UNC5C: variants seen among roughly 807,000 people sequenced by gnomAD.
The protein encoded by UNC5C is unc-5 netrin receptor C.
Under a neutral mutation model 99.8 loss-of-function variants are expected in UNC5C, and 47 were observed. The observed-to-expected ratio is 0.47, with a 90% CI of 0.37 to 0.60. The LOEUF (loss-of-function observed/expected upper bound fraction) is 0.60, where lower values mean the gene tolerates loss of function less well. Among genes scored for constraint, UNC5C ranks in the 20% least tolerant of loss-of-function variants. The pLI is 0.00. For missense variants in UNC5C, 1,062 were observed against 1,165.9 expected (o/e 0.91, Z 1.30); for synonymous variants, 487 against 452.2 (o/e 1.08, Z -0.98).
At chr4:95,496,741 A>ATAAGTTC (rs1721642153) in intron 1 of UNC5C, among the ~76,000 whole-genome samples, 1 of 151,742 alleles carries the variant, frequency 6.6e-6, no homozygotes. Context: ...GGTTACATGG[A>ATAAGTTC]TAAGTTCTTT....
intron 5 of UNC5C, among the ~76,000 whole-genome samples, chr4:95,250,081 T>C (rs974685142): frequency 6.6e-6 from 1 of 152,140 alleles, no homozygotes; most frequent in African/African-American, 2.4e-5. Flanking sequence ...GGCACTCAGG[T>C]AGGCTTCCTT....
intron 1 of UNC5C, among the ~76,000 whole-genome samples, chr4:95,543,044 C>A (rs1364610386): frequency 1.3e-5 from 2 of 151,968 alleles, no homozygotes; most frequent in Non-Finnish European, 1.5e-5. Flanking sequence ...AAAACAGCAC[C>A]AAGTTTCTGT....
chr4:95,178,130 C>CAATCT (rs1736445714), intron 14 of UNC5C, among the ~76,000 whole-genome samples: 2 of 152,240 alleles, frequency 1.3e-5, no homozygotes, highest in African/African-American at 4.8e-5. Context: ...CACCACTTCA[C>CAATCT]AATCTAATCT....
chr4:95,250,239 G>A (rs893376709), intron 5 of UNC5C, among the ~76,000 whole-genome samples: 2 of 152,082 alleles, frequency 1.3e-5, no homozygotes, highest in African/African-American at 4.8e-5. Flanking sequence ...TTCTAGAACC[G>A]GGCATGGTGG....
intron 7 of UNC5C, among the ~76,000 whole-genome samples, chr4:95,232,386 C>T (rs1738946077): frequency 1.3e-5 from 2 of 152,036 alleles, no homozygotes; most frequent in South Asian, 4.2e-4. Context: ...ACCAGAACCC[C>T]TCCATGGTAG....
chr4:95,498,872 T>C (rs1236723562), intron 1 of UNC5C, among the ~76,000 whole-genome samples: 1 of 152,082 alleles, frequency 6.6e-6, no homozygotes, highest in African/African-American at 2.4e-5. Context: ...TACTGATACT[T>C]TGCTATCTTT....
chr4:95,295,090 G>A (rs1410812549), intron 3 of UNC5C, among the ~76,000 whole-genome samples: 1 of 152,102 alleles, frequency 6.6e-6, no homozygotes, highest in African/African-American at 2.4e-5. Flanking sequence ...GTCAACAATG[G>A]TAACATCAAG....
chr4:95,203,863 A>T (rs1193888811), intron 11 of UNC5C, among the ~76,000 whole-genome samples: 13 of 152,290 alleles, frequency 8.5e-5, no homozygotes, highest in Admixed American at 2.6e-4. Flanking sequence ...AACGGAAAAC[A>T]CTCAACCTAG....
chr4:95,188,324 A>C (rs1291755510), intron 12 of UNC5C, among the ~76,000 whole-genome samples: 1 of 152,190 alleles, frequency 6.6e-6, no homozygotes, highest in Non-Finnish European at 1.5e-5. Flanking sequence ...ATGACATAGG[A>C]AAGCATAACA....
intron 12 of UNC5C, among the ~76,000 whole-genome samples, chr4:95,187,685 G>A (rs1736890881): frequency 6.6e-6 from 1 of 152,128 alleles, no homozygotes; most frequent in Admixed American, 6.5e-5. Flanking sequence ...CTCCCTAGTG[G>A]GGAAAAAGCC....
At chr4:95,429,102 A>G (rs1238796778) in intron 1 of UNC5C, among the ~76,000 whole-genome samples, 1 of 152,126 alleles carries the variant, frequency 6.6e-6, no homozygotes, top group East Asian at 1.9e-4. Flanking sequence ...TTCACTACTC[A>G]GTAGACCAAA....
At chr4:95,490,202 G>C (rs1028926325) in intron 1 of UNC5C, among the ~76,000 whole-genome samples, 1 of 151,590 alleles carries the variant, frequency 6.6e-6, no homozygotes, top group Admixed American at 6.6e-5. Flanking sequence ...CCAGAAGATG[G>C]AAGGGGTCAC....
intron 1 of UNC5C, among the ~76,000 whole-genome samples, chr4:95,364,393 A>G (rs1417045517): frequency 6.6e-6 from 1 of 152,250 alleles, no homozygotes; most frequent in Non-Finnish European, 1.5e-5. Context: ...TTGACACAGC[A>G]TTCAATATTT....
chr4:95,539,427 G>T (rs1219013784), intron 1 of UNC5C, among the ~76,000 whole-genome samples: 1 of 152,174 alleles, frequency 6.6e-6, no homozygotes, highest in African/African-American at 2.4e-5. Context: ...TTCGCAATTT[G>T]CCAAGAGCAA....
intron 4 of UNC5C, among the ~76,000 whole-genome samples, chr4:95,265,628 C>G (rs1198531660): frequency 6.6e-6 from 1 of 152,136 alleles, no homozygotes; most frequent in East Asian, 1.9e-4. Flanking sequence ...TGGGGTTTAT[C>G]TGATTAGCTT....
intron 14 of UNC5C, among the ~76,000 whole-genome samples, chr4:95,179,989 C>A (rs1311596312): frequency 1.5e-5 from 2 of 134,174 alleles, no homozygotes; most frequent in African/African-American, 2.5e-5. Context: ...AAATCTGAAA[C>A]CTCAATTGAT....
chr4:95,180,417 T>A (rs563530782), intron 14 of UNC5C, among the ~76,000 whole-genome samples: 3 of 152,382 alleles, frequency 2.0e-5, no homozygotes, highest in African/African-American at 7.2e-5. Context: ...TCTCTGCACT[T>A]GTCTATGAAA....
rs562536752 is a variant in UNC5C at position 95,413,558 on chromosome 4, T to C, written c.125-77927A>G. Among the ~76,000 whole-genome samples the C allele has an allele frequency of 2.9e-3, 435 of 152,284 alleles. 2 individuals carry two copies. Among genetic ancestry groups the C allele is most frequent in the African/African-American group, 1.0e-2 (414 of 41,552 alleles). ...TTGCACTTTATTGAATATAATACGATTCAGAATAATCAACTGAATTCATCT... is the reference window on the plus strand; with the variant it reads ...TTGCACTTTATTGAATATAATACGACTCAGAATAATCAACTGAATTCATCT... On this transcript the variant is annotated intron_variant, in intron 1 of 15. Coordinates refer to ENST00000453304, the MANE Select transcript of UNC5C (RefSeq NM_003728.4).
chr4:95,244,903 T>A (rs1316762427), intron 6 of UNC5C, 74 bp downstream of exon 6: 1 of 1,551,972 alleles, frequency 6.4e-7, no homozygotes, highest in Non-Finnish European at 8.8e-7. Flanking sequence ...GAATAAAGTC[T>A]GTGTATCTAT....
Sources: allele counts gnomAD v4.1 joint callset (sites outside exome capture counted in the v4.1 genomes callset), GRCh38; gene constraint gnomAD v4.1.1; transcripts MANE v1.5; gene names NCBI Gene and HGNC (gene_info 2026-07-23, HGNC 2026-07-21).